FGD6: variants seen among roughly 807,000 people sequenced by gnomAD.
FGD6 encodes the protein FYVE, RhoGEF and PH domain-containing protein 6.
Under a neutral mutation model 149.4 loss-of-function variants are expected in FGD6, and 90 were observed. The observed-to-expected ratio is 0.60, with a 90% CI of 0.51 to 0.72. The LOEUF (loss-of-function observed/expected upper bound fraction) is 0.72. FGD6 is among the 30% of genes least tolerant of loss of function. The pLI is 0.00. For missense variants in FGD6, 1,437 were observed against 1,684.8 expected (o/e 0.85, Z 2.57); for synonymous variants, 527 against 584.0 (o/e 0.90, Z 1.41).
intron 2 of FGD6, among the ~76,000 whole-genome samples, chr12:95,186,577 A>G (rs1487302525): frequency 6.6e-6 from 1 of 151,310 alleles, no homozygotes; most frequent in Non-Finnish European, 1.5e-5. Context: ...TTTCATGTCC[A>G]TAATGAAGTT....
chr12:95,078,852 C>T lies in FGD6; in HGVS notation c.*2668G>A, dbSNP rs1877577546. 6.6e-6 allele frequency: 1 copy of T among 152,092 alleles called. No individual in the cohort carries two copies. Among genetic ancestry groups the T allele is most frequent in the African/African-American group, 2.4e-5 (1 of 41,410 alleles). 9.4% of individuals were successfully genotyped at this position (152,092 alleles called of 1,614,324 possible). A position where few individuals can be genotyped will look rare whatever the true frequency, so the allele number is the denominator to read the frequency against. ...ACGTTATGCTTAGCATCATTTTTAG[C>T]TTAGCTTTATAAATGCCCTACTCTT... On this transcript the variant is annotated 3_prime_UTR_variant, in exon 21 of 21. Coordinates refer to ENST00000343958, the MANE Select transcript of FGD6 (RefSeq NM_018351.4).
intron 2 of FGD6, 142 bp downstream of exon 2, chr12:95,208,701 G>A: frequency 1.0e-6 from 1 of 954,898 alleles, no homozygotes. Context: ...GCTAAAAGGA[G>A]GCTGCACTTG....
chr12:95,127,710 T>A (rs918868821), intron 8 of FGD6, among the ~76,000 whole-genome samples: 1 of 152,216 alleles, frequency 6.6e-6, no homozygotes, highest in Non-Finnish European at 1.5e-5. Flanking sequence ...TAGAGGCAGT[T>A]AATATCATCC....
chr12:95,079,264 C>T lies in FGD6; in HGVS notation c.*2256G>A, dbSNP rs1474765400. 1 of 152,106 alleles carries T rather than the reference C, an allele frequency of 6.6e-6. No homozygotes were observed. Among genetic ancestry groups the T allele is most frequent in the Non-Finnish European group, 1.5e-5 (1 of 68,012 alleles). The allele number at this position is 152,106 out of a possible 1,614,324, so 9.4% of individuals were successfully genotyped here. ...ACAAAGACTACACATTTTTCTAAAC[C>T]CTCCATGGGGCTAAGCCAATAGGTA... On this transcript the variant is annotated 3_prime_UTR_variant, in exon 21 of 21. Transcript: ENST00000343958.
chr12:95,130,224 T>C (rs1879480055), intron 8 of FGD6, among the ~76,000 whole-genome samples: 1 of 152,204 alleles, frequency 6.6e-6, no homozygotes, highest in African/African-American at 2.4e-5. Flanking sequence ...CAGACTGCTC[T>C]ATCTGGGGAT....
intron 2 of FGD6, 130 bp downstream of exon 2, chr12:95,208,713 G>T: frequency 8.9e-7 from 1 of 1,126,306 alleles, no homozygotes; most frequent in Non-Finnish European, 1.2e-6. Flanking sequence ...CTGCACTTGA[G>T]AATAATTACA....
intron 8 of FGD6, 120 bp from the exon 9 acceptor site, chr12:95,113,821 G>A: frequency 1.8e-6 from 1 of 545,468 alleles, no homozygotes. Context: ...TCCAACTTGT[G>A]CTAACTTTCT....
chr12:95,107,253 G>A (rs1325650278), intron 12 of FGD6, among the ~76,000 whole-genome samples: 1 of 152,098 alleles, frequency 6.6e-6, no homozygotes, highest in Admixed American at 6.5e-5. Context: ...TTATTTCCAA[G>A]TTCTGTAACA....
chr12:95,137,464 T>C (rs1031867846), intron 7 of FGD6, 58 bp downstream of exon 7: 3 of 1,371,642 alleles, frequency 2.2e-6, no homozygotes, highest in Middle Eastern at 1.9e-4. Flanking sequence ...CAACTTGTTA[T>C]TAAAGCTTCA....
intron 13 of FGD6, among the ~76,000 whole-genome samples, chr12:95,106,455 T>G (rs1878628815): frequency 6.6e-6 from 1 of 151,700 alleles, no homozygotes; most frequent in Non-Finnish European, 1.5e-5. Context: ...TTGTTTTTTT[T>G]TTGTATTTTT....
At chr12:95,177,026 C>T (rs1881153629) in intron 2 of FGD6, among the ~76,000 whole-genome samples, 1 of 152,108 alleles carries the variant, frequency 6.6e-6, no homozygotes, top group African/African-American at 2.4e-5. Flanking sequence ...CGGGGTTTCA[C>T]CATGTTGGCC....
chr12:95,107,383 A>G (rs1189496536), intron 12 of FGD6, among the ~76,000 whole-genome samples, 180 bp downstream of exon 12: 1 of 152,252 alleles, frequency 6.6e-6, no homozygotes, highest in East Asian at 1.9e-4. Context: ...TCTTCTGGTT[A>G]TACATCATAA....
chr12:95,100,974 C>A, intron 14 of FGD6: 1 of 365,378 alleles, frequency 2.7e-6, no homozygotes, highest in Non-Finnish European at 5.3e-6. Flanking sequence ...ATGAGATTCA[C>A]GGGGTAGTTA....
chr12:95,184,826 G>A (rs1881381749), intron 2 of FGD6, among the ~76,000 whole-genome samples: 1 of 151,952 alleles, frequency 6.6e-6, no homozygotes, highest in East Asian at 1.9e-4. Context: ...CAAGTGATTT[G>A]CCCGCCTTGG....
At chr12:95,114,076 C>T (rs7304036) in intron 8 of FGD6, among the ~76,000 whole-genome samples, 134,597 of 152,224 alleles carry the variant, frequency 0.88, 59,886 homozygotes, top group East Asian at 0.97. Flanking sequence ...AGATCAGACA[C>T]ACGTCTAGTA....
At chr12:95,187,408 GCGGGC>G (rs1881471327) in intron 2 of FGD6, among the ~76,000 whole-genome samples, 1 of 142,258 alleles carries the variant, frequency 7.0e-6, no homozygotes, top group African/African-American at 2.6e-5. Flanking sequence ...GGAGGCCGAG[GCGGGC>G]AGATCATGAG....
At chr12:95,197,414 C>T (rs1881759800) in intron 2 of FGD6, among the ~76,000 whole-genome samples, 2 of 152,110 alleles carry the variant, frequency 1.3e-5, no homozygotes, top group South Asian at 4.1e-4. Context: ...GCCTGGGCAA[C>T]AGAGCAAGAC....
chr12:95,210,615 C>T lies in FGD6; in HGVS notation c.669G>A (p.Ala223=), dbSNP rs767628590. The T allele has an allele frequency of 1.2e-5, 19 of 1,614,160 alleles. No homozygotes were observed. The highest frequency in any genetic ancestry group is 5.5e-5 in the South Asian group (5 of 91,084). Residue 223 remains alanine (A), a synonymous_variant, in exon 2 of 21, where the codon GCG becomes GCA. Coordinates refer to ENST00000343958, the MANE Select transcript of FGD6 (RefSeq NM_018351.4). Reference sequence around the variant, plus strand: ...AGCTGGATGGGGAAGGTGACAAATCCGCAAATTCAATTCTGAATTGTCCAT... The same window carrying T: ...AGCTGGATGGGGAAGGTGACAAATCTGCAAATTCAATTCTGAATTGTCCAT... ...NSNGQFRIEF[A]DLSPSPSSFE...
At chr12:95,217,122 G>A (rs2056824814) in intron 1 of FGD6, 103 bp downstream of exon 1, 5 of 1,544,066 alleles carry the variant, frequency 3.2e-6, no homozygotes, top group African/African-American at 2.7e-5. Flanking sequence ...AAAGGTACGG[G>A]GCACACAACT....
Sources: gnomAD v4.1 joint callset for allele counts (sites outside exome capture counted in the v4.1 genomes callset) on GRCh38, gnomAD v4.1.1 for gene constraint, MANE v1.5 for transcripts, NCBI Gene and HGNC (gene_info 2026-07-23, HGNC 2026-07-21) for gene names.